The following STK11IP variants were observed in gnomAD, a reference collection of about 807,000 sequenced individuals.
STK11IP encodes serine/threonine kinase 11 interacting protein.
Under a neutral mutation model 131.7 loss-of-function variants are expected in STK11IP, and 103 were observed. That is an observed-to-expected ratio of 0.78 (90% CI 0.67 to 0.92). The LOEUF (loss-of-function observed/expected upper bound fraction) is 0.92. STK11IP is among the 40% of genes least tolerant of loss of function. STK11IP has a pLI of 0.00. For missense variants in STK11IP, 1,315 were observed against 1,385.7 expected (o/e 0.95, Z 0.81); for synonymous variants, 557 against 575.6 (o/e 0.97, Z 0.46).
intron 2 of STK11IP, 53 bp downstream of exon 2, chr2:219,598,233 G>A (rs1301533360): frequency 7.4e-7 from 1 of 1,359,276 alleles, no homozygotes; most frequent in East Asian, 2.6e-5. Context: ...AGGTGGGGGT[G>A]GTGCTTTCTG....
In STK11IP at chr2:219,608,041, G is replaced by T. The variant is rs1448487163; in HGVS notation, c.1220-6G>T. The T allele has an allele frequency of 1.2e-6, 2 of 1,609,836 alleles. No individual in the cohort carries two copies. The highest frequency in any genetic ancestry group is 1.1e-5 in the South Asian group (1 of 90,818). ...TTGCTCAGTTCTGGGTTCCCCTCCT[G>T]CCTAGGATGGTTCGTGCAGCAGCAC... is the stretch of plus-strand genomic sequence containing the variant. On this transcript the variant is annotated splice_polypyrimidine_tract_variant and splice_region_variant and intron_variant, in intron 13 of 24. Transcript: ENST00000456909.
chr2:219,608,386 C>G lies in STK11IP; in HGVS notation c.1559C>G (p.Ala520Gly). The G allele has an allele frequency of 6.3e-7, 1 of 1,577,286 alleles. No homozygotes were observed. Among genetic ancestry groups the G allele is most frequent in the Non-Finnish European group, 8.6e-7 (1 of 1,161,896 alleles). Residue 520 changes from alanine (A) to glycine (G), a missense_variant, in exon 14 of 25, where the codon GCA becomes GGA. Coordinates refer to ENST00000456909, the MANE Select transcript of STK11IP (RefSeq NM_052902.4). ...ATGGTGGAACAGGGAGAAGAGGAGGCAGGAGAGGAGGAAGAAGAGGAGCAG... is the reference window on the plus strand; with the variant it reads ...ATGGTGGAACAGGGAGAAGAGGAGGGAGGAGAGGAGGAAGAAGAGGAGCAG... ...GEMVEQGEEE[A>G]GEEEEEEQDQ...
chr2:219,613,632 G>T (rs1698478298), intron 20 of STK11IP, 120 bp from the exon 21 acceptor site: 1 of 1,115,238 alleles, frequency 9.0e-7, no homozygotes, highest in Non-Finnish European at 1.3e-6. Context: ...GGGAAGATGG[G>T]GTGTGGTGAG....
chr2:219,608,249 G>T lies in STK11IP; in HGVS notation c.1422G>T (p.Glu474Asp). ...DTAPRPSPPQ[E>D]EARGPQESPQ... The stretch of plus-strand genomic sequence containing the variant: ...CACCCAGACCTTCACCCCCGCAGGA[G>T]GAAGCCAGAGGCCCCCAGGAGTCAC... The change falls in exon 14 of 25, where the codon GAG becomes GAT. Residue 474 changes from glutamate (E) to aspartate (D), a missense_variant. Glu to Asp is a conservative substitution (Grantham distance 45, BLOSUM62 2). Coordinates refer to ENST00000456909, the MANE Select transcript of STK11IP (RefSeq NM_052902.4). 6.2e-7 allele frequency: 1 copy of T among 1,613,586 alleles called. No individual in the cohort carries two copies. Among genetic ancestry groups the T allele is most frequent in the Non-Finnish European group, 8.5e-7 (1 of 1,179,866 alleles).
intron 24 of STK11IP, 129 bp downstream of exon 24, chr2:219,615,470 A>G (rs1698544488): frequency 7.8e-7 from 1 of 1,277,968 alleles, no homozygotes; most frequent in South Asian, 1.5e-5. Context: ...CTTACAGATG[A>G]GAGAACTAGG....
chr2:219,613,001 C>A, intron 19 of STK11IP, 127 bp from the exon 20 acceptor site: 1 of 677,254 alleles, frequency 1.5e-6, no homozygotes, highest in Non-Finnish European at 2.6e-6. Flanking sequence ...AGGGAAGCTC[C>A]ATAGACTGGT....
At position 219,606,211 on chromosome 2, in the gene STK11IP, A is replaced by G; in HGVS notation, c.866A>G (p.Asn289Ser). The G allele has an allele frequency of 1.3e-6, 2 of 1,566,604 alleles. No homozygotes were observed. The highest frequency in any genetic ancestry group is 1.7e-6 in the Non-Finnish European group (2 of 1,155,686). ...GCCCCTCAGCTCTACCTGGAGGGGA[A>G]CCCTCTTTGGTTCCACCCTGAGCAC... ...AELRKLYLEG[N>S]PLWFHPEHRA... The change falls in exon 10 of 25, where the codon AAC becomes AGC. Residue 289 changes from asparagine to serine, a missense_variant. Asn to Ser is a conservative substitution (Grantham distance 46). Coordinates refer to ENST00000456909, the MANE Select transcript of STK11IP (RefSeq NM_052902.4).
chr2:219,607,915 G>A (rs1245547787), intron 13 of STK11IP, 132 bp from the exon 14 acceptor site: 120 of 1,225,252 alleles, frequency 9.8e-5, no homozygotes, highest in Non-Finnish European at 1.3e-4. Flanking sequence ...CGGAGGGGAC[G>A]CCTGTAGCCT....
At chr2:219,608,900 G>A (rs371162114) in intron 15 of STK11IP, 112 bp downstream of exon 15, 19 of 1,244,096 alleles carry the variant, frequency 1.5e-5, no homozygotes, top group Middle Eastern at 2.8e-4. Context: ...ACTAGGAGCC[G>A]AGGAGGGGAG....
At position 219,598,159 on chromosome 2, in the gene STK11IP, G is replaced by C. The variant is rs749442571; in HGVS notation, c.40G>C (p.Ala14Pro). Residue 14 changes from alanine to proline, a missense_variant, in exon 2 of 25, where the codon GCG becomes CCG. By Grantham distance (27) the Ala-to-Pro change is conservative. Transcript: ENST00000456909. The stretch of plus-strand genomic sequence containing the variant: ...GAGGGACTCCCTGTTGTGGAAGCTC[G>C]CGGGGTTGCTGCGGGAGTCCGGTGA... ...AQRDSLLWKL[A>P]GLLRESGDVV... The C allele has an allele frequency of 3.8e-6, 6 of 1,574,188 alleles. No homozygotes were observed. The African/African-American group carries it at 8.2e-5, about 21-fold the overall frequency.
chr2:219,597,917 A>G lies in STK11IP; in HGVS notation c.-33A>G. ...GAGCTGGTAGGAGGACCAGACGGGG[A>G]GGTTCGGTATGTCTGACCAGGACTT... On this transcript the variant is annotated 5_prime_UTR_variant, in exon 1 of 25. Transcript: ENST00000456909. 6.2e-7 allele frequency: 1 copy of G among 1,611,924 alleles called. No individual in the cohort carries two copies. The highest frequency in any genetic ancestry group is 8.5e-7 in the Non-Finnish European group (1 of 1,179,070).
At chr2:219,607,935 G>C in intron 13 of STK11IP, 112 bp from the exon 14 acceptor site, 1 of 1,421,288 alleles carries the variant, frequency 7.0e-7, no homozygotes, top group East Asian at 2.4e-5. Context: ...TCCCTTGCCC[G>C]TGTCCCCATA....
chr2:219,603,569 A>G (rs1698060266), intron 7 of STK11IP, among the ~76,000 whole-genome samples: 1 of 149,324 alleles, frequency 6.7e-6, no homozygotes, highest in South Asian at 2.1e-4. Flanking sequence ...CACCCAGGCT[A>G]GAGTGCAGTG....
rs138178069 is a variant in STK11IP at position 219,609,402 on chromosome 2, C to T, written c.1966C>T (p.Arg656Trp). Reference sequence around the variant, plus strand: ...GTTGACCCCAGTCACCAATGTGGCTCGGGAACAGCTTGGGGAGGCCAGGGA... The same window carrying T: ...GTTGACCCCAGTCACCAATGTGGCTTGGGAACAGCTTGGGGAGGCCAGGGA... ...AVLTPVTNVA[R>W]EQLGEARDLL... The change falls in exon 17 of 25, where the codon CGG becomes TGG. Residue 656 changes from arginine (R) to tryptophan (W), a missense_variant. By Grantham distance (101) the Arg-to-Trp change is moderately radical. Transcript: ENST00000456909. 977 of 1,613,668 alleles carry T rather than the reference C, an allele frequency of 6.1e-4. 7 individuals are homozygous for T. In the Middle Eastern group the frequency reaches 7.8e-3, roughly 13 times the overall value.
chr2:219,614,804 A>G (rs1337072318), intron 23 of STK11IP: 6 of 650,610 alleles, frequency 9.2e-6, no homozygotes, highest in Non-Finnish European at 1.7e-5. Context: ...GAAGTGGAGC[A>G]GCGTGGCTGA....
In STK11IP at chr2:219,615,310, C is replaced by T. The variant is rs1438444674; in HGVS notation, c.3086C>T (p.Pro1029Leu). ...LSSVLLYRSA[P>L]EDLRLLFYDE... ...TCCGTGCTGCTCTACCGCTCAGCCCCTGAGGACTTGCGGCTGCTCTTCTAC... is the reference window on the plus strand; with the variant it reads ...TCCGTGCTGCTCTACCGCTCAGCCCTTGAGGACTTGCGGCTGCTCTTCTAC... Residue 1029 changes from proline (P) to leucine (L), a missense_variant, in exon 24 of 25, where the codon CCT (proline) becomes CTT (leucine). Transcript: ENST00000456909. 5 of 1,602,698 alleles carry T rather than the reference C, an allele frequency of 3.1e-6. No individual in the cohort carries two copies. The South Asian group carries it at 5.5e-5, about 18-fold the overall frequency.
rs116136312 is a variant in STK11IP at position 219,609,276 on chromosome 2, G to A, written c.1926+63G>A. 1,569 of 1,575,680 alleles carry A rather than the reference G, an allele frequency of 1.0e-3. 14 individuals carry two copies. The African/African-American group carries it at 0.019, about 19-fold the overall frequency. On this transcript the variant is annotated intron_variant, in intron 16 of 24. Coordinates refer to ENST00000456909, the MANE Select transcript of STK11IP (RefSeq NM_052902.4). ...GGATTAAGAGAGCCAGAGGGAAGTG[G>A]CAGCAGGCCTGAGGGCCGGGGGCCT...
intron 11 of STK11IP, 34 bp from the exon 12 acceptor site, chr2:219,606,678 C>T (rs754268094): frequency 6.3e-7 from 1 of 1,597,072 alleles, no homozygotes; most frequent in Non-Finnish European, 8.6e-7. Flanking sequence ...TCCCAGGCTC[C>T]AACCTCTCTC....
Position 219,616,368 on chromosome 2 carries a change from C to A in STK11IP, c.*175C>A. 2.5e-6 allele frequency: 2 copies of A among 791,742 alleles called. No individual in the cohort carries two copies. The highest frequency in any genetic ancestry group is 3.8e-6 in the Non-Finnish European group (2 of 520,104). 49.0% of individuals were successfully genotyped at this position (791,742 alleles called of 1,614,324 possible). ...AGGGAGAGGCGAGAGAATGATCTGG[C>A]CTCAGGGGACAGGCCACCTGGTCAG... On this transcript the variant is annotated 3_prime_UTR_variant, in exon 25 of 25. Transcript: ENST00000456909.
Sources: gnomAD v4.1 joint callset for allele counts (sites outside exome capture counted in the v4.1 genomes callset) on GRCh38, gnomAD v4.1.1 for gene constraint, MANE v1.5 for transcripts, NCBI Gene and HGNC (gene_info 2026-07-23, HGNC 2026-07-21) for gene names.